APOB: variants seen among roughly 807,000 people sequenced by gnomAD.
APOB encodes the protein apolipoprotein B-100.
A neutral mutation model predicts 314.1 loss-of-function variants in APOB; 153 were observed. The observed-to-expected ratio is 0.49, with a 90% CI of 0.43 to 0.56. APOB has a LOEUF of 0.56. Among genes scored for constraint, APOB ranks in the 20% least tolerant of loss-of-function variants. APOB has a pLI of 0.00. For missense variants in APOB, 5,430 were observed against 5,350.7 expected (o/e 1.01, Z -0.46); for synonymous variants, 2,087 against 2,036.4 (o/e 1.02, Z -0.67).
Position 21,008,760 on chromosome 2 carries a change from A to G in APOB, c.8108T>C (p.Leu2703Pro), listed in dbSNP as rs776426840. The change falls in exon 26 of 29, where the codon CTA becomes CCA. Residue 2703 changes from leucine to proline, a missense_variant. Leu to Pro is a moderately conservative substitution (Grantham distance 98). Coordinates refer to ENST00000233242, the MANE Select transcript of APOB (RefSeq NM_000384.3). ...GAAGTCTGGCAGGGTGATTCTCGCT[A>G]GAGGAATGTCCTCCACCTTCAGATC... is the stretch of plus-strand genomic sequence containing the variant. The part of the protein sequence containing the change: ...LRDLKVEDIP[L>P]ARITLPDFRL... 6.2e-6 allele frequency: 10 copies of G among 1,613,944 alleles called. No individual in the cohort carries two copies. The highest frequency in any genetic ancestry group is 2.5e-6 in the Non-Finnish European group (3 of 1,179,956).
At chr2:21,025,626 G>A (rs1663710702) in intron 15 of APOB, among the ~76,000 whole-genome samples, 1 of 152,172 alleles carries the variant, frequency 6.6e-6, no homozygotes. Context: ...AAAAAAATGT[G>A]AAACTGACAG....
chr2:21,013,506 G>T lies in APOB; in HGVS notation c.3870C>A (p.Asn1290Lys). 1.2e-6 allele frequency: 2 copies of T among 1,614,164 alleles called. No homozygotes were observed. Among genetic ancestry groups the T allele is most frequent in the Non-Finnish European group, 1.7e-6 (2 of 1,180,010 alleles). ...KSDGRVKYTL[N>K]KNSLKIEIPL... ...GAATCTCAATTTTCAAACTGTTCTT[G>T]TTCAAGGTATATTTGACCCGGCCAT... Residue 1290 changes from asparagine (N) to lysine (K), a missense_variant, in exon 25 of 29, where the codon AAC becomes AAA. Asn to Lys is a moderately conservative substitution (Grantham distance 94, BLOSUM62 0). Around this residue, in one of 3 missense-constraint regions of APOB, gnomAD observed 2,085 missense variants for 2,079.7 expected, o/e 1.00. Coordinates refer to ENST00000233242, the MANE Select transcript of APOB (RefSeq NM_000384.3).
rs562624518 is a variant in APOB, at chr2:21,008,918, A to C, written c.7950T>G (p.Phe2650Leu). Residue 2650 changes from phenylalanine to leucine, a missense_variant, in exon 26 of 29, where the codon TTT becomes TTG. By Grantham distance (22) the Phe-to-Leu change is conservative (BLOSUM62 0). This residue lies in a region of APOB where 3,281 missense variants were observed against 3,171.0 expected (regional missense o/e 1.03). Coordinates refer to ENST00000233242, the MANE Select transcript of APOB (RefSeq NM_000384.3). ...GAATGTGGAAGGTGTTAAGGATGGT[A>C]AATTCTGGTGTGGAAAACCTGGATG... The part of the protein sequence containing the change: ...KIPSRFSTPE[F>L]TILNTFHIPS... The C allele has an allele frequency of 4.3e-6, 7 of 1,614,086 alleles. No individual in the cohort carries two copies. The South Asian group carries it at 4.4e-5, about 10-fold the overall frequency.
chr2:21,030,685 T>C (rs976820579), intron 10 of APOB, among the ~76,000 whole-genome samples: 2 of 152,088 alleles, frequency 1.3e-5, no homozygotes, highest in Non-Finnish European at 2.9e-5. Flanking sequence ...GAGAAAATAT[T>C]TGCAAACTAT....
intron 19 of APOB, among the ~76,000 whole-genome samples, 199 bp downstream of exon 19, chr2:21,019,524 C>G (rs1663547437): frequency 6.6e-6 from 1 of 152,136 alleles, no homozygotes; most frequent in South Asian, 2.1e-4. Flanking sequence ...TGCTGTGATC[C>G]CATCCCATGC....
At chr2:21,018,342 T>C (rs1663525176) in intron 20 of APOB, among the ~76,000 whole-genome samples, 1 of 152,248 alleles carries the variant, frequency 6.6e-6, no homozygotes, top group Non-Finnish European at 1.5e-5. Context: ...GGCTTTCGTT[T>C]AATTCATAGA....
chr2:21,042,280 G>T, intron 3 of APOB, 81 bp downstream of exon 3: 1 of 996,168 alleles, frequency 1.0e-6, no homozygotes, highest in Non-Finnish European at 1.6e-6. Context: ...CCTCCGGGAA[G>T]GTCGCGTGTT....
At position 21,006,159 on chromosome 2, in the gene APOB, T is replaced by C; in HGVS notation, c.10709A>G (p.His3570Arg). ...GAAAAAGAGGCCCTCTAGCTGTAAGTGGTTTTTCGTACTGTGCTCCCAGAG... is the reference window on the plus strand; with the variant it reads ...GAAAAAGAGGCCCTCTAGCTGTAAGCGGTTTTTCGTACTGTGCTCCCAGAG... ...YSLWEHSTKN[H>R]LQLEGLFFTN... Residue 3570 changes from histidine to arginine, a missense_variant, in exon 26 of 29, where the codon CAC becomes CGC. By Grantham distance (29) the His-to-Arg change is conservative. Coordinates refer to ENST00000233242, the MANE Select transcript of APOB (RefSeq NM_000384.3). The C allele has an allele frequency of 6.2e-7, 1 of 1,614,012 alleles. No homozygotes were observed. Among genetic ancestry groups the C allele is most frequent in the Non-Finnish European group, 8.5e-7 (1 of 1,179,946 alleles).
chr2:21,024,585 T>C, intron 16 of APOB: 1 of 475,116 alleles, frequency 2.1e-6, no homozygotes, highest in Non-Finnish European at 3.7e-6. Flanking sequence ...ATCACTGCAC[T>C]CCAGCCTGGG....
Position 21,005,253 on chromosome 2 carries a change from G to A in APOB, c.11615C>T (p.Pro3872Leu), listed in dbSNP as rs1385285380. Residue 3872 changes from proline (P) to leucine (L), a missense_variant, in exon 26 of 29, where the codon CCT becomes CTT. Pro to Leu is a moderately conservative substitution (Grantham distance 98). Around this residue, in one of 3 missense-constraint regions of APOB, gnomAD observed 3,281 missense variants for 3,171.0 expected, o/e 1.03. Transcript: ENST00000233242. ...IEIPSIKFSV[P>L]AGIVIPSFQA... The stretch of plus-strand genomic sequence containing the variant: ...AAAGGAAGGAATGACAATTCCAGCA[G>A]GTACAGAGAACTTAATGGAGGGAAT... 1 of 1,614,070 alleles carries A rather than the reference G, an allele frequency of 6.2e-7. No individual in the cohort carries two copies. Among genetic ancestry groups the A allele is most frequent in the Non-Finnish European group, 8.5e-7 (1 of 1,179,960 alleles).
In APOB at chr2:21,001,775, GT is replaced by G. The variant is rs1206245757; in HGVS notation, c.13646del (p.Asn4549ThrfsTer4). The G allele has an allele frequency of 5.6e-6, 9 of 1,613,882 alleles. No homozygotes were observed. Among genetic ancestry groups the G allele is most frequent in the Non-Finnish European group, 7.6e-6 (9 of 1,179,936 alleles). ...LKKLQSTTVM[N>X]PYMKLAPGEL... ...CTCCTGGAGCAAGCTTCATGTAGGG[GT>G]TCATGACTGTGGTTGATTGCAGCTT... On this transcript the variant is annotated frameshift_variant, in exon 29 of 29. Transcript: ENST00000233242. LOFTEE classifies it high-confidence loss of function.
chr2:21,009,771 T>C lies in APOB; in HGVS notation c.7097A>G (p.His2366Arg). Residue 2366 changes from histidine to arginine, a missense_variant, in exon 26 of 29, where the codon CAC becomes CGC. His to Arg is a conservative substitution (Grantham distance 29). Coordinates refer to ENST00000233242, the MANE Select transcript of APOB (RefSeq NM_000384.3). ...AATAGTCTCCTTCAACTTGTATTGGTGGGCCAACTCTACTAATTTATCCAT... is the reference window on the plus strand; with the variant it reads ...AATAGTCTCCTTCAACTTGTATTGGCGGGCCAACTCTACTAATTTATCCAT... ...VLMDKLVELA[H>R]QYKLKETIQK... 1 of 1,614,040 alleles carries C rather than the reference T, an allele frequency of 6.2e-7. No homozygotes were observed. Among genetic ancestry groups the C allele is most frequent in the Non-Finnish European group, 8.5e-7 (1 of 1,179,972 alleles).
chr2:21,016,986 AAAATAAATAAAT>A (rs60811793), intron 20 of APOB, among the ~76,000 whole-genome samples: 2 of 120,268 alleles, frequency 1.7e-5, no homozygotes, highest in African/African-American at 3.2e-5. Context: ...TCCATCTCAA[AAAATAAATAAAT>A]AAATAAATAA....
chr2:21,036,299 G>A (rs1170507062), intron 6 of APOB, among the ~76,000 whole-genome samples: 1 of 152,180 alleles, frequency 6.6e-6, no homozygotes, highest in East Asian at 1.9e-4. Context: ...GTGGGGTTGA[G>A]CAAACAGCAG....
At position 21,008,304 on chromosome 2, in the gene APOB, T is replaced by C; in HGVS notation, c.8564A>G (p.Asn2855Ser). Residue 2855 changes from asparagine to serine, a missense_variant, in exon 26 of 29, where the codon AAC (asparagine) becomes AGC (serine). Physicochemically the swap from Asn to Ser is conservative, Grantham distance 46. This residue lies in a region of APOB where 3,281 missense variants were observed against 3,171.0 expected (regional missense o/e 1.03). Coordinates refer to ENST00000233242, the MANE Select transcript of APOB (RefSeq NM_000384.3). ...TTCTGTGTGTAAACTTGCCACTGTG[T>C]TTGATTTTCCCTCAATAGCATTTCC... ...FFGNAIEGKSNTVASLHTEKN... is the reference protein window; with the variant it reads ...FFGNAIEGKSSTVASLHTEKN... 6.2e-7 allele frequency: 1 copy of C among 1,613,378 alleles called. No homozygotes were observed. Among genetic ancestry groups the C allele is most frequent in the Non-Finnish European group, 8.5e-7 (1 of 1,179,438 alleles).
intron 3 of APOB, among the ~76,000 whole-genome samples, chr2:21,041,897 C>T (rs945219766): frequency 2.0e-5 from 3 of 152,176 alleles, no homozygotes; most frequent in Non-Finnish European, 4.4e-5. Flanking sequence ...CAATAATAAG[C>T]AAAGTTTTAT....
In APOB at chr2:21,033,436, G is replaced by A. The variant is rs773721528; in HGVS notation, c.987C>T (p.Leu329=). Residue 329 remains leucine (L), a synonymous_variant, in exon 9 of 29, where the codon CTC becomes CTT. Coordinates refer to ENST00000233242, the MANE Select transcript of APOB (RefSeq NM_000384.3). ...PKQAEAVLKT[L]QELKKLTISE... is the part of the protein sequence containing the mutation. ...AGATGGTTAGTTTTTTCAGTTCCTG[G>A]AGAGTCTTCAAAACAGCTTCGGCCT... is the stretch of plus-strand genomic sequence containing the variant. The A allele has an allele frequency of 6.2e-7, 1 of 1,614,034 alleles. No homozygotes were observed. The highest frequency in any genetic ancestry group is 8.5e-7 in the Non-Finnish European group (1 of 1,180,034).
intron 15 of APOB, among the ~76,000 whole-genome samples, chr2:21,025,658 C>T (rs889865451): frequency 6.6e-6 from 1 of 152,134 alleles, no homozygotes; most frequent in Non-Finnish European, 1.5e-5. Flanking sequence ...ATCAAAGATC[C>T]TCGGCCTCAA....
rs755234920 is a variant in APOB, at chr2:21,002,842, T to C, written c.12580A>G (p.Ile4194Val). The stretch of plus-strand genomic sequence containing the variant: ...AATCTGGGGAAGTTCAGAAAATCAA[T>C]GAGTGAGTCAATCAGATGCTTGACT... ...MKVKHLIDSL[I>V]DFLNFPRFQF... is the part of the protein sequence containing the mutation. Residue 4194 changes from isoleucine to valine, a missense_variant, in exon 29 of 29, where the codon ATT becomes GTT. By Grantham distance (29) the Ile-to-Val change is conservative. Coordinates refer to ENST00000233242, the MANE Select transcript of APOB (RefSeq NM_000384.3). 1.9e-6 allele frequency: 3 copies of C among 1,612,986 alleles called. No individual in the cohort carries two copies. The South Asian group carries it at 3.3e-5, about 18-fold the overall frequency.
Sources: gnomAD v4.1 joint callset for allele counts (sites outside exome capture counted in the v4.1 genomes callset) on GRCh38, gnomAD v4.1.1 for gene constraint, gnomAD v4.1.1 regional missense constraint, MANE v1.5 for transcripts, NCBI Gene and HGNC (gene_info 2026-07-23, HGNC 2026-07-21) for gene names.